Variants in UNC5D observed in about 807,000 individuals in gnomAD.
UNC5D encodes unc-5 netrin receptor D.
A neutral mutation model predicts 105.4 loss-of-function variants in UNC5D; 39 were observed. That is an observed-to-expected ratio of 0.37 (90% CI 0.29 to 0.48). The LOEUF (loss-of-function observed/expected upper bound fraction) is 0.48. Among genes scored for constraint, UNC5D ranks in the 20% least tolerant of loss-of-function variants. The pLI is 0.98. For synonymous variants in UNC5D, 452 were observed against 450.4 expected (o/e 1.00, Z -0.04); for missense variants, 991 against 1,202.4 (o/e 0.82, Z 2.60).
chr8:35,402,146 A>G (rs1804509157), intron 1 of UNC5D, among the ~76,000 whole-genome samples: 1 of 152,186 alleles, frequency 6.6e-6, no homozygotes, highest in South Asian at 2.1e-4. Context: ...GGCTTATAGA[A>G]GATGTAATCT....
chr8:35,406,702 A>C (rs986326029), intron 1 of UNC5D, among the ~76,000 whole-genome samples: 1 of 152,180 alleles, frequency 6.6e-6, no homozygotes, highest in Non-Finnish European at 1.5e-5. Flanking sequence ...CTCTGATACA[A>C]TTTTAGGACT....
At chr8:35,490,272 G>T (rs576489792) in intron 1 of UNC5D, among the ~76,000 whole-genome samples, 4 of 152,220 alleles carry the variant, frequency 2.6e-5, no homozygotes, top group Admixed American at 1.3e-4. Context: ...GGAGGCTGAG[G>T]TGGGAGGATT....
intron 1 of UNC5D, among the ~76,000 whole-genome samples, chr8:35,458,992 G>GT: frequency 6.6e-6 from 1 of 152,132 alleles, no homozygotes; most frequent in African/African-American, 2.4e-5. Flanking sequence ...TCTCCTCTCT[G>GT]TTTTTTGTGC....
At chr8:35,340,139 A>G (rs1474284262) in intron 1 of UNC5D, among the ~76,000 whole-genome samples, 1 of 152,182 alleles carries the variant, frequency 6.6e-6, no homozygotes, top group African/African-American at 2.4e-5. Flanking sequence ...TTCCTGCTTC[A>G]CTGTTACAGG....
chr8:35,541,947 A>G (rs1240962468), intron 1 of UNC5D, among the ~76,000 whole-genome samples: 1 of 152,218 alleles, frequency 6.6e-6, no homozygotes. Flanking sequence ...TTAAGGAACT[A>G]AGAATGGCTC....
intron 1 of UNC5D, among the ~76,000 whole-genome samples, chr8:35,483,095 A>T (rs1810595039): frequency 6.6e-6 from 1 of 151,160 alleles, no homozygotes; most frequent in Non-Finnish European, 1.5e-5. Flanking sequence ...GAGCCACTGC[A>T]CCTGGCCCCA....
At chr8:35,260,016 T>A (rs1043588740) in intron 1 of UNC5D, among the ~76,000 whole-genome samples, 1 of 152,190 alleles carries the variant, frequency 6.6e-6, no homozygotes, top group Non-Finnish European at 1.5e-5. Flanking sequence ...CTCTGAAGAT[T>A]TTAATTGAGA....
rs142955077 is a variant in UNC5D at position 35,454,514 on chromosome 8, C to T, written c.104-94778C>T. Among the ~76,000 whole-genome samples the T allele has an allele frequency of 4.2e-3, 632 of 152,234 alleles. 2 individuals carry two copies. Among genetic ancestry groups the T allele is most frequent in the African/African-American group, 0.014 (572 of 41,542 alleles). On this transcript the variant is annotated intron_variant, in intron 1 of 16. Coordinates refer to ENST00000404895, the MANE Select transcript of UNC5D (RefSeq NM_080872.4). ...CCTGTATCAGGAGGAGAACAACCCT[C>T]ATCAGCAGAGACAAGAAAGTAGGTT...
At chr8:35,315,706 T>C (rs571652368) in intron 1 of UNC5D, among the ~76,000 whole-genome samples, 51 of 152,320 alleles carry the variant, frequency 3.3e-4, no homozygotes, top group African/African-American at 1.1e-3. Context: ...AACATCTCAA[T>C]GAGGCACATG....
At chr8:35,383,025 C>T (rs879580374) in intron 1 of UNC5D, among the ~76,000 whole-genome samples, 27 of 152,080 alleles carry the variant, frequency 1.8e-4, no homozygotes, top group African/African-American at 6.5e-4. Context: ...GTGCAAAGTA[C>T]AAGAAAAGGA....
chr8:35,613,596 G>T (rs1329797296), intron 4 of UNC5D, among the ~76,000 whole-genome samples: 2 of 152,114 alleles, frequency 1.3e-5, no homozygotes, highest in East Asian at 3.9e-4. Context: ...GGTCACTCAC[G>T]CCTGTAATCC....
At chr8:35,737,765 ATTAG>A (rs976214197) in intron 11 of UNC5D, among the ~76,000 whole-genome samples, 26 of 152,156 alleles carry the variant, frequency 1.7e-4, no homozygotes, top group Middle Eastern at 3.2e-3. Context: ...ATCATAAATA[ATTAG>A]TCAGGAAAAT....
chr8:35,721,055 A>C (rs1022165428), intron 8 of UNC5D, among the ~76,000 whole-genome samples: 5 of 152,158 alleles, frequency 3.3e-5, no homozygotes, highest in African/African-American at 9.7e-5. Flanking sequence ...GGTGCGGTGA[A>C]TGCATAGTAA....
At chr8:35,395,658 T>G (rs529145459) in intron 1 of UNC5D, among the ~76,000 whole-genome samples, 1 of 152,306 alleles carries the variant, frequency 6.6e-6, no homozygotes, top group Non-Finnish European at 1.5e-5. Flanking sequence ...CTTCTCTGTG[T>G]TTAGTGCTGG....
Position 35,710,934 on chromosome 8 carries a change from C to CTTTTTTTTTTTTTTT in UNC5D, c.1117+4981_1117+4995dup, listed in dbSNP as rs775014566. Among the ~76,000 whole-genome samples the CTTTTTTTTTTTTTTT allele has an allele frequency of 1.8e-4, 21 of 114,376 alleles. 2 individuals carry two copies. Among genetic ancestry groups the CTTTTTTTTTTTTTTT allele is most frequent in the African/African-American group, 8.4e-4 (21 of 25,038 alleles). 75.0% of individuals were successfully genotyped at this position (114,376 alleles called of 152,430 possible). ...GCCTCTTCAGTAGCTCAGCATTATT[C>CTTTTTTTTTTTTTTT]TTTTTTTTTTTTTTTTTTTTTTGAG... On this transcript the variant is annotated intron_variant, in intron 8 of 16. Transcript: ENST00000404895.
At chr8:35,312,570 T>C (rs577480756) in intron 1 of UNC5D, among the ~76,000 whole-genome samples, 1 of 152,336 alleles carries the variant, frequency 6.6e-6, no homozygotes, top group African/African-American at 2.4e-5. Flanking sequence ...AAGGATCTTT[T>C]GAAGGCAGTA....
intron 1 of UNC5D, among the ~76,000 whole-genome samples, chr8:35,458,009 C>G (rs1174211083): frequency 6.6e-6 from 1 of 152,106 alleles, no homozygotes; most frequent in Non-Finnish European, 1.5e-5. Context: ...CCTATAGAGA[C>G]CAAGGCCTTG....
intron 1 of UNC5D, among the ~76,000 whole-genome samples, chr8:35,503,245 G>A (rs567678290): frequency 8.5e-5 from 13 of 152,216 alleles, no homozygotes; most frequent in African/African-American, 3.1e-4. Flanking sequence ...TCATGCCGCT[G>A]ATAAAGAGAT....
Position 35,791,471 on chromosome 8 carries a change from T to A in UNC5D, c.*908T>A, listed in dbSNP as rs1803039285. The A allele has an allele frequency of 6.6e-6, 1 of 152,150 alleles. No individual in the cohort carries two copies. The allele number at this position is 152,150 out of a possible 1,614,324, so 9.4% of individuals were successfully genotyped here. On this transcript the variant is annotated 3_prime_UTR_variant, in exon 17 of 17. Coordinates refer to ENST00000404895, the MANE Select transcript of UNC5D (RefSeq NM_080872.4). Reference sequence around the variant, plus strand: ...ACATGAACTGCAGATGCCATAGGCCTCAAATCAGCTGTAATTCTAGGAGAC... The same window carrying A: ...ACATGAACTGCAGATGCCATAGGCCACAAATCAGCTGTAATTCTAGGAGAC...
Sources: allele counts gnomAD v4.1 joint callset (sites outside exome capture counted in the v4.1 genomes callset), GRCh38; gene constraint gnomAD v4.1.1; transcripts MANE v1.5; gene names NCBI Gene and HGNC (gene_info 2026-07-23, HGNC 2026-07-21).